Variants in TMEM117 observed in about 807,000 individuals in gnomAD.
TMEM117 encodes the protein transmembrane protein 117.
Under a neutral mutation model 52.4 loss-of-function variants are expected in TMEM117, and 27 were observed. The ratio of observed to expected loss-of-function variants is 0.51; its 90% confidence interval spans 0.38 to 0.71. TMEM117 has a LOEUF of 0.71. Ranked by LOEUF, TMEM117 falls within the 30% of genes least tolerant of loss-of-function variation. The pLI is 0.00. For synonymous variants in TMEM117, 215 were observed against 206.3 expected, an observed-to-expected ratio of 1.04 and a Z score of -0.36; for missense variants, 556 against 630.5, an observed-to-expected ratio of 0.88 and a Z score of 1.26.
intron 2 of TMEM117, among the ~76,000 whole-genome samples, chr12:43,879,462 C>T (rs562556681): frequency 2.0e-5 from 3 of 152,290 alleles, no homozygotes; most frequent in East Asian, 3.9e-4. Flanking sequence ...TATGTCTTCT[C>T]AGTGCAGGCC....
chr12:44,355,795 C>T (rs1387341802), intron 6 of TMEM117, among the ~76,000 whole-genome samples: 3 of 151,944 alleles, frequency 2.0e-5, no homozygotes, highest in South Asian at 2.1e-4. Context: ...AGAACTAAAA[C>T]AGTGATGGCA....
chr12:44,172,003 A>G (rs984469577), intron 4 of TMEM117, among the ~76,000 whole-genome samples: 3 of 152,180 alleles, frequency 2.0e-5, no homozygotes, highest in African/African-American at 7.2e-5. Flanking sequence ...TGGCCAGAAT[A>G]AAACATAGTG....
At chr12:44,322,143 T>TAG in intron 6 of TMEM117, among the ~76,000 whole-genome samples, 1 of 152,304 alleles carries the variant, frequency 6.6e-6, no homozygotes. Flanking sequence ...GAAGCTATGT[T>TAG]AGAGATATCT....
chr12:44,308,876 C>T (rs1019603179), intron 6 of TMEM117, among the ~76,000 whole-genome samples: 2 of 151,744 alleles, frequency 1.3e-5, no homozygotes, highest in African/African-American at 4.8e-5. Flanking sequence ...ACCTTGGCCT[C>T]CCAAAGTGCT....
intron 6 of TMEM117, among the ~76,000 whole-genome samples, chr12:44,320,258 A>G (rs1160725898): frequency 2.6e-5 from 4 of 152,152 alleles, no homozygotes; most frequent in Admixed American, 2.6e-4. Flanking sequence ...TTCTTGCCAA[A>G]TATCTTTTGA....
chr12:44,350,883 C>T (rs1951553135), intron 6 of TMEM117, among the ~76,000 whole-genome samples: 1 of 151,946 alleles, frequency 6.6e-6, no homozygotes, highest in Non-Finnish European at 1.5e-5. Context: ...ATATAACCAG[C>T]AGTGGGATTC....
At chr12:43,884,451 G>A (rs1191240906) in intron 2 of TMEM117, among the ~76,000 whole-genome samples, 1 of 152,134 alleles carries the variant, frequency 6.6e-6, no homozygotes, top group Non-Finnish European at 1.5e-5. Flanking sequence ...GATAACTTCT[G>A]TTCAGTTCTC....
intron 3 of TMEM117, among the ~76,000 whole-genome samples, chr12:43,965,589 T>C (rs1592399063): frequency 6.6e-6 from 1 of 152,338 alleles, no homozygotes; most frequent in South Asian, 2.1e-4. Flanking sequence ...TTTGATATTG[T>C]CCTTAGGCAT....
chr12:43,869,839 G>T (rs374072793), intron 2 of TMEM117, among the ~76,000 whole-genome samples: 8 of 152,100 alleles, frequency 5.3e-5, no homozygotes, highest in Non-Finnish European at 8.8e-5. Flanking sequence ...ATGGTGGTTT[G>T]TTACACAGAT....
chr12:44,067,449 G>A (rs1370045247), intron 3 of TMEM117, among the ~76,000 whole-genome samples: 1 of 152,162 alleles, frequency 6.6e-6, no homozygotes, highest in African/African-American at 2.4e-5. Flanking sequence ...GACAGTTGAA[G>A]TTACTCCTTG....
chr12:44,069,576 A>T (rs1338907867), intron 3 of TMEM117, among the ~76,000 whole-genome samples: 1 of 152,130 alleles, frequency 6.6e-6, no homozygotes, highest in Non-Finnish European at 1.5e-5. Context: ...GAAAGTTCAT[A>T]AGGGGGCCTG....
chr12:43,923,662 G>T, intron 2 of TMEM117, among the ~76,000 whole-genome samples: 1 of 152,090 alleles, frequency 6.6e-6, no homozygotes, highest in Non-Finnish European at 1.5e-5. Context: ...TTGGAGGTTT[G>T]CATATTTGGT....
intron 3 of TMEM117, among the ~76,000 whole-genome samples, chr12:44,114,444 G>T (rs1211579872): frequency 6.6e-6 from 1 of 152,082 alleles, no homozygotes; most frequent in East Asian, 1.9e-4. Context: ...TTGGACAAAT[G>T]GTAAAACTCA....
At chr12:44,072,379 G>T (rs182375415) in intron 3 of TMEM117, among the ~76,000 whole-genome samples, 2 of 152,096 alleles carry the variant, frequency 1.3e-5, no homozygotes, top group South Asian at 2.1e-4. Flanking sequence ...TCACATTCCC[G>T]TTCCTCTCTC....
chr12:44,090,221 C>T (rs1947639626), intron 3 of TMEM117, among the ~76,000 whole-genome samples: 2 of 151,848 alleles, frequency 1.3e-5, no homozygotes. Flanking sequence ...GGTACATGTG[C>T]AGGATTGTTA....
chr12:43,918,873 T>G (rs536749215), intron 2 of TMEM117, among the ~76,000 whole-genome samples: 70 of 152,362 alleles, frequency 4.6e-4, no homozygotes, highest in African/African-American at 1.6e-3. Context: ...CTCTAATCTC[T>G]GTACAATTTG....
At chr12:44,059,972 C>G (rs533745065) in intron 3 of TMEM117, among the ~76,000 whole-genome samples, 6 of 152,204 alleles carry the variant, frequency 3.9e-5, no homozygotes, top group African/African-American at 9.6e-5. Flanking sequence ...TCTGCTATAA[C>G]GAAGTTTAGG....
At chr12:44,222,982 TA>T (rs58858975) in intron 5 of TMEM117, among the ~76,000 whole-genome samples, 39,542 of 151,562 alleles carry the variant, frequency 0.26, 9,200 homozygotes, top group African/African-American at 0.63. Context: ...TGAACCCTGA[TA>T]AAAAAGTCAT....
At chr12:44,083,433 G>A (rs924333262) in intron 3 of TMEM117, among the ~76,000 whole-genome samples, 3 of 96,616 alleles carry the variant, frequency 3.1e-5, no homozygotes, top group Non-Finnish European at 5.7e-5. Context: ...GTTTCACTCT[G>A]TTGCCCAGGC....
Sources: gnomAD v4.1 joint callset for allele counts (sites outside exome capture counted in the v4.1 genomes callset) on GRCh38, gnomAD v4.1.1 for gene constraint, MANE v1.5 for transcripts, NCBI Gene and HGNC (gene_info 2026-07-23, HGNC 2026-07-21) for gene names.